Variants in TSNARE1 observed in about 807,000 individuals in gnomAD.
The protein encoded by TSNARE1 is t-SNARE domain containing 1.
In TSNARE1, 49 loss-of-function variants were observed where a neutral mutation model predicts 62.0. The observed-to-expected ratio is 0.79, with a 90% CI of 0.63 to 1.00. The LOEUF (loss-of-function observed/expected upper bound fraction) is 1.00, where lower values mean the gene tolerates loss of function less well. Ranked by LOEUF, TSNARE1 falls within the 50% of genes least tolerant of loss-of-function variation. The pLI, the probability that TSNARE1 is intolerant of heterozygous loss-of-function variation, is 0.00. For synonymous variants in TSNARE1, 328 were observed against 294.4 expected, an observed-to-expected ratio of 1.11 and a Z score of -1.17; for missense variants, 755 against 700.1, an observed-to-expected ratio of 1.08 and a Z score of -0.88.
At chr8:142,290,527 T>C (rs1823579610) in intron 10 of TSNARE1, among the ~76,000 whole-genome samples, 1 of 152,216 alleles carries the variant, frequency 6.6e-6, no homozygotes, top group South Asian at 2.1e-4. Flanking sequence ...TTCCCTTCAC[T>C]TTCCAGAACG....
chr8:142,297,733 C>G (rs1196716244), intron 10 of TSNARE1, among the ~76,000 whole-genome samples: 1 of 152,244 alleles, frequency 6.6e-6, no homozygotes, highest in Non-Finnish European at 1.5e-5. Flanking sequence ...CACAGCCTCT[C>G]ATGCGTCACG....
At chr8:142,361,380 A>G (rs1054969438) in intron 1 of TSNARE1, among the ~76,000 whole-genome samples, 1 of 152,218 alleles carries the variant, frequency 6.6e-6, no homozygotes, top group Non-Finnish European at 1.5e-5. Context: ...GCAGGACATG[A>G]GCGCAGGGAC....
At chr8:142,313,627 CTG>C (rs1225503152) in intron 9 of TSNARE1, among the ~76,000 whole-genome samples, 2 of 151,778 alleles carry the variant, frequency 1.3e-5, no homozygotes, top group African/African-American at 2.4e-5. Context: ...CTCTGTGTAT[CTG>C]TGTGTCTCTA....
chr8:142,374,427 C>T (rs1288846415), intron 1 of TSNARE1, among the ~76,000 whole-genome samples: 1 of 151,416 alleles, frequency 6.6e-6, no homozygotes, highest in Non-Finnish European at 1.5e-5. Context: ...GCCTGTAATC[C>T]CAGCACTTTG....
intron 4 of TSNARE1, among the ~76,000 whole-genome samples, chr8:142,332,678 T>C (rs938271626): frequency 2.0e-5 from 3 of 152,048 alleles, no homozygotes; most frequent in African/African-American, 7.2e-5. Flanking sequence ...ACGGCCACCA[T>C]GGGAAGGGTC....
chr8:142,326,322 A>G (rs35301504), intron 6 of TSNARE1: 9,186 of 77,688 alleles, frequency 0.12, 1,378 homozygotes, highest in South Asian at 0.14. Context: ...GGAGGGCCCC[A>G]GAGACCACGA....
chr8:142,352,156 G>C (rs899332801), intron 2 of TSNARE1, among the ~76,000 whole-genome samples: 16 of 152,222 alleles, frequency 1.1e-4, no homozygotes, highest in African/African-American at 3.6e-4. Context: ...CACCTGATGA[G>C]GCTTTCATCT....
intron 12 of TSNARE1, among the ~76,000 whole-genome samples, chr8:142,259,832 G>T (rs1818768427): frequency 6.6e-6 from 1 of 152,192 alleles, no homozygotes; most frequent in Non-Finnish European, 1.5e-5. Flanking sequence ...GTTCTGGAAG[G>T]AGACTTGGTG....
chr8:142,216,322 A>G (rs1308969433), intron 13 of TSNARE1, among the ~76,000 whole-genome samples: 5 of 152,096 alleles, frequency 3.3e-5, no homozygotes, highest in Non-Finnish European at 7.4e-5. Flanking sequence ...TGCAGTGCAG[A>G]GAGGCAGGGG....
chr8:142,370,425 T>TA (rs1835841246), intron 1 of TSNARE1, among the ~76,000 whole-genome samples: 1 of 151,940 alleles, frequency 6.6e-6, no homozygotes, highest in South Asian at 2.1e-4. Context: ...AAAATAAATT[T>TA]AAACATTCGT....
At chr8:142,386,765 TA>T (rs1244823709) in intron 1 of TSNARE1, among the ~76,000 whole-genome samples, 2 of 152,136 alleles carry the variant, frequency 1.3e-5, no homozygotes, top group Admixed American at 1.3e-4. Flanking sequence ...CACTTGAGAA[TA>T]AAAATGTAAT....
intron 11 of TSNARE1, among the ~76,000 whole-genome samples, chr8:142,282,588 G>C (rs76530512): frequency 0.12 from 13,398 of 116,304 alleles, 2 homozygotes; most frequent in African/African-American, 0.18. Flanking sequence ...GGTGGGGCCA[G>C]TGTCTATCAA....
intron 12 of TSNARE1, among the ~76,000 whole-genome samples, chr8:142,252,246 G>A (rs758548654): frequency 2.0e-5 from 3 of 152,182 alleles, no homozygotes; most frequent in Non-Finnish European, 4.4e-5. Flanking sequence ...TAAACAGACG[G>A]CTGCTTCATC....
At position 142,319,531 on chromosome 8, in the gene TSNARE1, GCA is replaced by G. The variant is rs1829151362; in HGVS notation, c.894-899_894-898del. Among the ~76,000 whole-genome samples the G allele has an allele frequency of 6.6e-6, 1 of 152,130 alleles. No homozygotes were observed. The highest frequency in any genetic ancestry group is 2.4e-5 in the African/African-American group (1 of 41,440). ...AGGGCAACGGTACCCCAGCCCGGCT[GCA>G]GGCACACACACCAAGTGCAGGGAGG... On this transcript the variant is annotated intron_variant, in intron 6 of 13. Coordinates refer to ENST00000524325, the MANE Select transcript of TSNARE1 (RefSeq NM_145003.5). This position sits in a 1 kb window ranked among gnomAD's most constrained non-coding sequence, Gnocchi z 4.9.
intron 1 of TSNARE1, among the ~76,000 whole-genome samples, chr8:142,361,403 C>T (rs868687521): frequency 5.3e-5 from 8 of 152,188 alleles, no homozygotes; most frequent in Middle Eastern, 3.2e-3. Flanking sequence ...GCTCCTCGGG[C>T]GAGCCCAGGG....
chr8:142,273,051 GCCCACCT>G, intron 12 of TSNARE1: 1 of 985,430 alleles, frequency 1.0e-6, no homozygotes, highest in Non-Finnish European at 1.2e-6. Flanking sequence ...CCTGAGCCTT[GCCCACCT>G]CCTCTGCAGT....
chr8:142,300,131 T>C (rs773201675), intron 10 of TSNARE1: 19 of 190,286 alleles, frequency 1.0e-4, no homozygotes, highest in Admixed American at 3.6e-4. Context: ...CACCAAATCA[T>C]CTTCATTAGA....
At chr8:142,402,527 A>G (rs977672205) in intron 1 of TSNARE1, among the ~76,000 whole-genome samples, 13 of 152,254 alleles carry the variant, frequency 8.5e-5, no homozygotes, top group Non-Finnish European at 1.8e-4. Flanking sequence ...GCACAGATCA[A>G]CATCACCTGA....
rs1292234116 is a variant in TSNARE1 at position 142,361,573 on chromosome 8, G to A, written c.-39-6810C>T. On this transcript the variant is annotated intron_variant, in intron 1 of 13. Coordinates refer to ENST00000524325, the MANE Select transcript of TSNARE1 (RefSeq NM_145003.5). ...TCCACGGTGCCCACCTGCGGACCCA[G>A]TGTGGCTGAGCTCACGCATGGGCTT... Among the ~76,000 whole-genome samples, 3 of 152,208 alleles carry A rather than the reference G, an allele frequency of 2.0e-5. No homozygotes were observed. The East Asian group carries it at 5.8e-4, about 29-fold the overall frequency.
Sources: allele counts gnomAD v4.1 joint callset (sites outside exome capture counted in the v4.1 genomes callset), GRCh38; gene constraint gnomAD v4.1.1; non-coding constraint Gnocchi (gnomAD v3.1); transcripts MANE v1.5; gene names NCBI Gene and HGNC (gene_info 2026-07-23, HGNC 2026-07-21).